The following TTC7A variants were observed in gnomAD, a reference collection of about 807,000 sequenced individuals.
TTC7A encodes tetratricopeptide repeat domain 7A.
Under a neutral mutation model 103.7 loss-of-function variants are expected in TTC7A, and 110 were observed. That is an observed-to-expected ratio of 1.06 (90% CI 0.91 to 1.24). TTC7A has a LOEUF of 1.24. Among genes scored for constraint, TTC7A ranks in the 50% most tolerant of loss-of-function variants. The pLI is 0.00. For synonymous variants in TTC7A, 521 were observed against 467.9 expected (o/e 1.11, Z -1.47); for missense variants, 1,340 against 1,116.3 (o/e 1.20, Z -2.86).
At chr2:47,028,016 C>G (rs1480878485) in intron 14 of TTC7A, among the ~76,000 whole-genome samples, 1 of 152,194 alleles carries the variant, frequency 6.6e-6, no homozygotes, top group Non-Finnish European at 1.5e-5. Flanking sequence ...GGGTAGTAAC[C>G]TCCACAGCTG....
chr2:46,965,490 A>G (rs1232891604), intron 3 of TTC7A, among the ~76,000 whole-genome samples: 3 of 151,858 alleles, frequency 2.0e-5, no homozygotes, highest in African/African-American at 7.3e-5. Context: ...TCATCCAGCC[A>G]GAGACCTGGA....
chr2:47,010,526 C>T (rs1572898279), intron 10 of TTC7A, among the ~76,000 whole-genome samples: 2 of 144,756 alleles, frequency 1.4e-5, no homozygotes, highest in Non-Finnish European at 3.0e-5. Flanking sequence ...TCACACTTGG[C>T]CGTCCTCAGC....
At chr2:47,024,142 A>G (rs377302980) in intron 13 of TTC7A, 145 bp from the exon 14 acceptor site, 2 of 638,624 alleles carry the variant, frequency 3.1e-6, no homozygotes, top group Admixed American at 3.9e-5. Context: ...TGCCAGCTGG[A>G]TGCCCCTCTG....
intron 11 of TTC7A, among the ~76,000 whole-genome samples, chr2:47,012,206 C>A (rs1678148659): frequency 6.6e-6 from 1 of 152,252 alleles, no homozygotes; most frequent in African/African-American, 2.4e-5. Flanking sequence ...AGCAATGGGG[C>A]CTCTGTGCAG....
rs77712983 is a variant in TTC7A, at chr2:46,980,393, G to A, written c.764+1486G>A. On this transcript the variant is annotated intron_variant, in intron 5 of 19. Transcript: ENST00000319190. ...CACCATCACACCTGGCTAATTTTTT[G>A]TAGAGAGGGAGTTGCATTTTGTTGC... Among the ~76,000 whole-genome samples the A allele has an allele frequency of 2.6e-5, 4 of 151,846 alleles. No individual in the cohort carries two copies. The East Asian group carries it at 5.8e-4, about 22-fold the overall frequency.
chr2:47,026,887 C>A (rs537340772), intron 14 of TTC7A, among the ~76,000 whole-genome samples: 1 of 152,292 alleles, frequency 6.6e-6, no homozygotes, highest in South Asian at 2.1e-4. Flanking sequence ...GTGGCAGAGC[C>A]AGGAGCCACA....
Position 47,007,144 on chromosome 2 carries a change from T to C in TTC7A, c.1287+420T>C, listed in dbSNP as rs919717708. Among the ~76,000 whole-genome samples, 62 of 152,132 alleles carry C rather than the reference T, an allele frequency of 4.1e-4. No homozygotes were observed. The highest frequency in any genetic ancestry group is 1.5e-3 in the African/African-American group (61 of 41,466). ...CCTGCTTGTGGACTGGAGACTTGCC[T>C]CGGAGGGGAAGCTTAAAGGGCAGAG... On this transcript the variant is annotated intron_variant, in intron 10 of 19. Transcript: ENST00000319190. The surrounding 1 kb of genome is among the most constrained non-coding windows in gnomAD (Gnocchi z 4.9).
intron 2 of TTC7A, 147 bp downstream of exon 2, chr2:46,950,673 C>A: frequency 3.8e-6 from 3 of 798,128 alleles, no homozygotes; most frequent in Non-Finnish European, 5.8e-6. Context: ...ACTGGCTGCA[C>A]ATGGCCCCTT....
At chr2:46,949,539 G>A (rs755314857) in intron 1 of TTC7A, among the ~76,000 whole-genome samples, 2 of 152,174 alleles carry the variant, frequency 1.3e-5, no homozygotes, top group African/African-American at 2.4e-5. Flanking sequence ...ACTAAACCAA[G>A]CAGTATAAAA....
Position 47,051,727 on chromosome 2 carries a change from G to C in TTC7A, c.2018-19G>C. 1 of 1,603,256 alleles carries C rather than the reference G, an allele frequency of 6.2e-7. No homozygotes were observed. The highest frequency in any genetic ancestry group is 8.5e-7 in the Non-Finnish European group (1 of 1,174,734). ...TGGACCTCTGACCACTGCTCGGCTC[G>C]TGCCCTCTTGCTCTGCAGGCTCCCG... On this transcript the variant is annotated intron_variant, in intron 17 of 19. Coordinates refer to ENST00000319190, the MANE Select transcript of TTC7A (RefSeq NM_020458.4).
chr2:46,975,937 A>G (rs981275754), intron 4 of TTC7A, among the ~76,000 whole-genome samples: 1 of 152,086 alleles, frequency 6.6e-6, no homozygotes, highest in African/African-American at 2.4e-5. Flanking sequence ...GGGTTTCACC[A>G]TGTTGGCCAG....
chr2:46,924,575 A>C (rs982899799), intron 2 of TTC7A, among the ~76,000 whole-genome samples: 2 of 152,206 alleles, frequency 1.3e-5, no homozygotes, highest in Non-Finnish European at 2.9e-5. Flanking sequence ...CTGGAATAAA[A>C]ATATACCATG....
chr2:47,031,537 C>T (rs1348408165), intron 15 of TTC7A, among the ~76,000 whole-genome samples: 1 of 152,184 alleles, frequency 6.6e-6, no homozygotes, highest in African/African-American at 2.4e-5. Context: ...GCTCTTTGTC[C>T]ACCCTGGGTC....
At chr2:46,956,507 C>G (rs1187886198) in intron 2 of TTC7A, 2 of 278,296 alleles carry the variant, frequency 7.2e-6, no homozygotes, top group Non-Finnish European at 1.4e-5. Context: ...TTCTGAGTGC[C>G]CCCTGGGGCT....
At chr2:46,933,587 A>G (rs575484045) in intron 2 of TTC7A, among the ~76,000 whole-genome samples, 2 of 152,314 alleles carry the variant, frequency 1.3e-5, no homozygotes, top group African/African-American at 4.8e-5. Flanking sequence ...GAAATTAAGT[A>G]AGACATAAGA....
At chr2:46,970,835 C>T (rs1673289313) in intron 3 of TTC7A, among the ~76,000 whole-genome samples, 2 of 152,208 alleles carry the variant, frequency 1.3e-5, no homozygotes, top group Non-Finnish European at 1.5e-5. Flanking sequence ...AGTCATTTGG[C>T]AGTCGTTGAC....
chr2:46,929,473 G>A (rs561451026), intron 2 of TTC7A, among the ~76,000 whole-genome samples: 23 of 152,232 alleles, frequency 1.5e-4, no homozygotes, highest in East Asian at 9.7e-4. Flanking sequence ...AACAGAGCAC[G>A]ACCCTGTCTC....
intron 11 of TTC7A, among the ~76,000 whole-genome samples, chr2:47,021,354 A>G (rs1189338440): frequency 1.3e-5 from 2 of 152,200 alleles, no homozygotes; most frequent in Non-Finnish European, 2.9e-5. Context: ...CATGTGACCC[A>G]TACGGGTTGG....
upstream of TTC7A, chr2:46,941,107 G>A (rs1670299861): frequency 6.7e-6 from 1 of 148,614 alleles, no homozygotes; most frequent in Non-Finnish European, 1.5e-5. The surrounding 1 kb of genome is among the most constrained non-coding windows in gnomAD (Gnocchi z 4.2). Flanking sequence ...GGCTGCTGTG[G>A]CCGCGCTGGC....
Sources: gnomAD v4.1 joint callset for allele counts (sites outside exome capture counted in the v4.1 genomes callset) on GRCh38, gnomAD v4.1.1 for gene constraint, Gnocchi (gnomAD v3.1) non-coding constraint, MANE v1.5 for transcripts, NCBI Gene and HGNC (gene_info 2026-07-23, HGNC 2026-07-21) for gene names.